Variants in SMARCAL1 observed in about 807,000 individuals in gnomAD.
The protein encoded by SMARCAL1 is ATP-driven annealing helicase.
In SMARCAL1, 58 loss-of-function variants were observed where a neutral mutation model predicts 94.5. That is an observed-to-expected ratio of 0.61 (90% confidence interval 0.50 to 0.76). The LOEUF (loss-of-function observed/expected upper bound fraction) is 0.76. Ranked by LOEUF, SMARCAL1 falls within the 30% of genes least tolerant of loss-of-function variation. The pLI is 0.00. For missense variants in SMARCAL1, 1,051 were observed against 1,177.9 expected, an observed-to-expected ratio of 0.89 and a Z score of 1.58; for synonymous variants, 422 against 455.1, an observed-to-expected ratio of 0.93 and a Z score of 0.93.
chr2:216,436,869 G>T (rs1193237435), intron 9 of SMARCAL1, among the ~76,000 whole-genome samples: 1 of 152,222 alleles, frequency 6.6e-6, no homozygotes, highest in Non-Finnish European at 1.5e-5. Context: ...GGCAGTGAGA[G>T]TGGGTACATA....
At chr2:216,461,232 C>T (rs1468196167) in intron 12 of SMARCAL1, among the ~76,000 whole-genome samples, 1 of 151,636 alleles carries the variant, frequency 6.6e-6, no homozygotes, top group Non-Finnish European at 1.5e-5. Context: ...TGTAACTATA[C>T]TTTTTAAAAG....
At chr2:216,467,223 C>G (rs931170464) in intron 13 of SMARCAL1, among the ~76,000 whole-genome samples, 7 of 152,136 alleles carry the variant, frequency 4.6e-5, no homozygotes, top group African/African-American at 1.7e-4. Context: ...GTAATCTCAG[C>G]ACTTTGGGAG....
At position 216,455,379 on chromosome 2, in the gene SMARCAL1, T is replaced by C. The variant is rs370238442; in HGVS notation, c.2070+4315T>C. Among the ~76,000 whole-genome samples the C allele has an allele frequency of 3.3e-5, 5 of 152,304 alleles. No homozygotes were observed. The South Asian group carries it at 6.2e-4, about 19-fold the overall frequency. ...GGTTCTTCCAGCATGGAGTTTGAGA[T>C]CTGAGAACGGATAGACTGCCTCCTC... On this transcript the variant is annotated intron_variant, in intron 12 of 17. Coordinates refer to ENST00000357276, the MANE Select transcript of SMARCAL1 (RefSeq NM_014140.4).
At position 216,423,668 on chromosome 2, in the gene SMARCAL1, G is replaced by T. The variant is rs864309531; in HGVS notation, c.1132G>T (p.Glu378Ter). The T allele has an allele frequency of 6.2e-7, 1 of 1,613,898 alleles. No homozygotes were observed. The highest frequency in any genetic ancestry group is 1.1e-5 in the South Asian group (1 of 91,072). ...KTRKWSFLLE[E>*]HSKLIAKVRC... ...CAGGAAGTGGAGCTTTCTCTTGGAA[G>T]AGCACAGTAAACTAAGTGAGAAGCC... Residue 378 changes from glutamate (E) to a stop codon, truncating the protein, a stop_gained, in exon 6 of 18, where the codon GAG becomes TAG. Coordinates refer to ENST00000357276, the MANE Select transcript of SMARCAL1 (RefSeq NM_014140.4). LOFTEE classifies it high-confidence loss of function.
chr2:216,424,880 T>G (rs921209305), intron 6 of SMARCAL1, among the ~76,000 whole-genome samples: 3 of 152,172 alleles, frequency 2.0e-5, no homozygotes, highest in Non-Finnish European at 4.4e-5. Flanking sequence ...GCTGCTACTA[T>G]TTGGAACTTG....
Position 216,447,154 on chromosome 2 carries a change from A to G in SMARCAL1, c.1847A>G (p.Lys616Arg). 1 of 1,613,988 alleles carries G rather than the reference A, an allele frequency of 6.2e-7. No homozygotes were observed. The highest frequency in any genetic ancestry group is 1.6e-4 in the Middle Eastern group (1 of 6,062). Residue 616 changes from lysine (K) to arginine (R), a missense_variant, in exon 11 of 18, where the codon AAA becomes AGA. Transcript: ENST00000357276. ...TTTGGACTTCGCTACTGTGATGCCA[A>G]ACGGGTATGTATTATCTCTTCCCTC... ...HAFGLRYCDAKRMPWGWDYSG... is the reference protein window; with the variant it reads ...HAFGLRYCDARRMPWGWDYSG...
chr2:216,416,396 T>G, intron 4 of SMARCAL1, 89 bp downstream of exon 4: 1 of 1,147,794 alleles, frequency 8.7e-7, no homozygotes. Flanking sequence ...ATGGAGTGCA[T>G]GGCTTTACAG....
chr2:216,438,022 C>A (rs997228318), intron 9 of SMARCAL1, among the ~76,000 whole-genome samples: 2 of 152,212 alleles, frequency 1.3e-5, no homozygotes, highest in Admixed American at 6.5e-5. Flanking sequence ...AGGGCAGGGG[C>A]TGGACACCCC....
intron 3 of SMARCAL1, 76 bp downstream of exon 3, chr2:216,415,591 A>G: frequency 7.5e-7 from 1 of 1,331,478 alleles, no homozygotes; most frequent in East Asian, 2.3e-5. Context: ...ACAGTTTCTC[A>G]TAAATATTAA....
rs1270278765 is a variant in SMARCAL1, at chr2:216,420,514, A to G, written c.1078A>G (p.Met360Val). 28 of 1,613,576 alleles carry G rather than the reference A, an allele frequency of 1.7e-5. No individual in the cohort carries two copies. Among genetic ancestry groups the G allele is most frequent in the Non-Finnish European group, 2.3e-5 (27 of 1,179,590 alleles). ...GGACCTTATTGCGCTTTTTAAACAGATGGATTCCAGAAGATATGGCAAGTA... is the reference window on the plus strand; with the variant it reads ...GGACCTTATTGCGCTTTTTAAACAGGTGGATTCCAGAAGATATGGCAAGTA... ...SQDLIALFKQMDSRRYDVKTR... is the reference protein window; with the variant it reads ...SQDLIALFKQVDSRRYDVKTR... Residue 360 changes from methionine (M) to valine (V), a missense_variant, in exon 5 of 18, where the codon ATG (methionine) becomes GTG (valine). Physicochemically the swap from Met to Val is conservative, Grantham distance 21 (BLOSUM62 1). Coordinates refer to ENST00000357276, the MANE Select transcript of SMARCAL1 (RefSeq NM_014140.4).
intron 17 of SMARCAL1, among the ~76,000 whole-genome samples, chr2:216,480,611 G>C (rs1189774776): frequency 1.3e-5 from 2 of 152,174 alleles, no homozygotes; most frequent in African/African-American, 4.8e-5. Context: ...GCAAGGCTGG[G>C]ATCCTGAAAG....
rs932910050 is a variant in SMARCAL1, at chr2:216,462,544, C to T, written c.2071-2053C>T. Among the ~76,000 whole-genome samples the T allele has an allele frequency of 2.0e-5, 3 of 152,236 alleles. No individual in the cohort carries two copies. The South Asian group carries it at 6.2e-4, about 32-fold the overall frequency. Reference sequence around the variant, plus strand: ...TTGTGTATGTTTCCAGAGCGTGATACAAAATAGGAGGGTAGGTGGCTGCCA... The same window carrying T: ...TTGTGTATGTTTCCAGAGCGTGATATAAAATAGGAGGGTAGGTGGCTGCCA... On this transcript the variant is annotated intron_variant, in intron 12 of 17. Transcript: ENST00000357276.
chr2:216,420,942 G>A (rs1265067802), intron 5 of SMARCAL1, among the ~76,000 whole-genome samples: 1 of 152,214 alleles, frequency 6.6e-6, no homozygotes, highest in Non-Finnish European at 1.5e-5. Context: ...GCCTGCAGGG[G>A]TTGTTAAAAC....
chr2:216,415,886 T>TGA, intron 3 of SMARCAL1: 1 of 380,672 alleles, frequency 2.6e-6, no homozygotes, highest in Non-Finnish European at 4.9e-6. Context: ...ACAGGCCCAG[T>TGA]TTCATTGGTC....
chr2:216,476,465 C>A (rs780562644), intron 15 of SMARCAL1, among the ~76,000 whole-genome samples: 1 of 151,984 alleles, frequency 6.6e-6, no homozygotes. Context: ...TACAGGTGCA[C>A]GCCTCCATGC....
intron 10 of SMARCAL1, among the ~76,000 whole-genome samples, chr2:216,439,323 A>G (rs1178203062): frequency 1.5e-5 from 1 of 67,774 alleles, no homozygotes; most frequent in African/African-American, 9.7e-5. Context: ...TCCTTCCATT[A>G]TGGGGGGGGG....
intron 14 of SMARCAL1, among the ~76,000 whole-genome samples, chr2:216,468,653 AAGAGTAC>A (rs1290205441): frequency 6.6e-6 from 1 of 152,188 alleles, no homozygotes; most frequent in Non-Finnish European, 1.5e-5. Context: ...AATGTACTTT[AAGAGTAC>A]AGAGAAATAT....
chr2:216,475,507 G>A lies in SMARCAL1; in HGVS notation c.2427+56G>A. Reference sequence around the variant, plus strand: ...CAGGCATGCTCATGGCTGTGGGCAGGAAGCAGTGAGTGTCGGTCGGGGAAA... The same window carrying A: ...CAGGCATGCTCATGGCTGTGGGCAGAAAGCAGTGAGTGTCGGTCGGGGAAA... On this transcript the variant is annotated intron_variant, in intron 15 of 17. Transcript: ENST00000357276. The surrounding 1 kb of genome is among the most constrained non-coding windows in gnomAD (Gnocchi z 4.4). The A allele has an allele frequency of 6.4e-7, 1 of 1,559,474 alleles. No homozygotes were observed. The highest frequency in any genetic ancestry group is 8.8e-7 in the Non-Finnish European group (1 of 1,130,320).
At chr2:216,470,299 C>T (rs1694933981) in intron 14 of SMARCAL1, among the ~76,000 whole-genome samples, 1 of 151,918 alleles carries the variant, frequency 6.6e-6, no homozygotes, top group Non-Finnish European at 1.5e-5. Flanking sequence ...TACTGGTGCA[C>T]ACCACCACGC....
Sources: gnomAD v4.1 joint callset for allele counts (sites outside exome capture counted in the v4.1 genomes callset) on GRCh38, gnomAD v4.1.1 for gene constraint, Gnocchi (gnomAD v3.1) non-coding constraint, MANE v1.5 for transcripts, NCBI Gene and HGNC (gene_info 2026-07-23, HGNC 2026-07-21) for gene names.